The following ISG20L2 variants were observed in gnomAD, a reference collection of about 807,000 sequenced individuals.
ISG20L2 encodes interferon stimulated exonuclease gene 20 like 2.
A neutral mutation model predicts 27.8 loss-of-function variants in ISG20L2; 14 were observed. The observed-to-expected ratio is 0.50, with a 90% CI of 0.33 to 0.79. The LOEUF (loss-of-function observed/expected upper bound fraction) is 0.79, where lower values mean the gene tolerates loss of function less well. ISG20L2 is among the 30% of genes least tolerant of loss of function. The pLI is 0.02. For synonymous variants in ISG20L2, 157 were observed against 165.7 expected (o/e 0.95, Z 0.40); for missense variants, 393 against 435.1 (o/e 0.90, Z 0.86).
chr1:156,727,771 T>G lies in ISG20L2; in HGVS notation c.-117-2A>C. 6.7e-7 allele frequency: 1 copy of G among 1,494,560 alleles called. No individual in the cohort carries two copies. The highest frequency in any genetic ancestry group is 8.8e-7 in the Non-Finnish European group (1 of 1,131,900). The allele number at this position is 1,494,560 out of a possible 1,614,324, so 92.6% of individuals were successfully genotyped here. On this transcript the variant is annotated splice_acceptor_variant, in intron 1 of 3. Coordinates refer to ENST00000368219, the MANE Select transcript of ISG20L2 (RefSeq NM_001370150.2). LOFTEE classifies it low-confidence loss of function (5UTR_SPLICE). ...ACATGTGGAGGTCTGTAGTACACCC[T>G]GGGGAAGAAAGTGATCCTGGTAATT...
At chr1:156,726,061 T>C in intron 2 of ISG20L2, 6 of 985,432 alleles carry the variant, frequency 6.1e-6, no homozygotes, top group Non-Finnish European at 7.2e-6. Flanking sequence ...GTTCATGCCT[T>C]GCGCTCCATG....
chr1:156,728,035 G>A, intron 1 of ISG20L2: 1 of 1,030,302 alleles, frequency 9.7e-7, no homozygotes, highest in Non-Finnish European at 1.2e-6. Context: ...TAAAATGAAG[G>A]GAGTGGAGGG....
intron 3 of ISG20L2, 145 bp from the exon 4 acceptor site, chr1:156,723,607 G>C (rs1648628522): frequency 6.9e-7 from 1 of 1,456,266 alleles, no homozygotes; most frequent in Non-Finnish European, 9.0e-7. Context: ...ATTCTGGTGG[G>C]GTCCTACTCC....
intron 1 of ISG20L2, chr1:156,728,004 T>C (rs1170722083): frequency 9.6e-7 from 1 of 1,046,230 alleles, no homozygotes; most frequent in Non-Finnish European, 1.2e-6. Flanking sequence ...ATTACCGCGC[T>C]CTAGGTTTGA....
rs927277447 is a variant in ISG20L2 at position 156,722,433 on chromosome 1, A to C, written c.*916T>G. The C allele has an allele frequency of 6.6e-6, 1 of 150,586 alleles. No individual in the cohort carries two copies. The highest frequency in any genetic ancestry group is 2.4e-5 in the African/African-American group (1 of 40,836). The allele number at this position is 150,586 out of a possible 1,614,324, so 9.3% of individuals were successfully genotyped here. On this transcript the variant is annotated 3_prime_UTR_variant, in exon 4 of 4. Transcript: ENST00000368219. ...AGGTGCCCGCCACCACGCCTGGCTA[A>C]TTTTTTGTATTTTTAGTAGAGACGG...
In ISG20L2 at chr1:156,722,225, G is replaced by T. The variant is rs1044380783; in HGVS notation, c.*1124C>A. 6.6e-6 allele frequency: 1 copy of T among 152,058 alleles called. No individual in the cohort carries two copies. Among genetic ancestry groups the T allele is most frequent in the Non-Finnish European group, 1.5e-5 (1 of 68,032 alleles). The allele number at this position is 152,058 out of a possible 1,614,324, so 9.4% of individuals were successfully genotyped here. A position where few individuals can be genotyped will look rare whatever the true frequency, so the allele number is the denominator to read the frequency against. On this transcript the variant is annotated 3_prime_UTR_variant, in exon 4 of 4. Coordinates refer to ENST00000368219, the MANE Select transcript of ISG20L2 (RefSeq NM_001370150.2). ...GCTAGATACAGACTCTGAGCCAAAA[G>T]CAGACTCTGTGACATGGAAAGGGAC...
Position 156,722,492 on chromosome 1 carries a change from T to A in ISG20L2, c.*857A>T, listed in dbSNP as rs1291609779. The A allele has an allele frequency of 6.6e-6, 1 of 151,764 alleles. No homozygotes were observed. The highest frequency in any genetic ancestry group is 1.5e-5 in the Non-Finnish European group (1 of 67,932). 9.4% of individuals were successfully genotyped at this position (151,764 alleles called of 1,614,324 possible). A position where few individuals can be genotyped will look rare whatever the true frequency, so the allele number is the denominator to read the frequency against. On this transcript the variant is annotated 3_prime_UTR_variant, in exon 4 of 4. Coordinates refer to ENST00000368219, the MANE Select transcript of ISG20L2 (RefSeq NM_001370150.2). ...CGTGTTAGCCAGGATGGTCTCGATC[T>A]CCTGACCTCGTGATCTGCCCGTCTC...
At position 156,728,580 on chromosome 1, in the gene ISG20L2, G is replaced by A. The variant is rs985260683; in HGVS notation, c.-283C>T. ...CCCAGGTAGTGAGGCCAGTGATTCC[G>A]AGTGTGTGAGGAGCGGCAGTGGCGG... On this transcript the variant is annotated 5_prime_UTR_variant, in exon 1 of 4. Transcript: ENST00000368219. The A allele has an allele frequency of 5.6e-5, 55 of 985,102 alleles. No homozygotes were observed. Among genetic ancestry groups the A allele is most frequent in the Non-Finnish European group, 6.5e-5 (54 of 829,778 alleles). 61.0% of individuals were successfully genotyped at this position (985,102 alleles called of 1,614,324 possible).
chr1:156,724,654 C>T, intron 2 of ISG20L2: 1 of 1,125,782 alleles, frequency 8.9e-7, no homozygotes, highest in Non-Finnish European at 1.1e-6. Context: ...TTTGAGATGT[C>T]CATGTATTTA....
intron 2 of ISG20L2, 200 bp from the exon 3 acceptor site, chr1:156,724,548 A>G: frequency 7.2e-7 from 1 of 1,387,242 alleles, no homozygotes; most frequent in African/African-American, 1.4e-5. Flanking sequence ...TCCATGGTAT[A>G]CCCTGTTTGG....
At chr1:156,726,790 C>T in intron 2 of ISG20L2, 116 bp downstream of exon 2, 1 of 1,491,430 alleles carries the variant, frequency 6.7e-7, no homozygotes, top group Non-Finnish European at 8.9e-7. Flanking sequence ...CTGATAGATT[C>T]TCCTCCCTCC....
intron 3 of ISG20L2, 28 bp downstream of exon 3, chr1:156,724,120 G>T (rs756489489): frequency 1.9e-6 from 3 of 1,582,354 alleles, no homozygotes; most frequent in Non-Finnish European, 2.6e-6. Flanking sequence ...TGTCCAAGAT[G>T]GGGGCGGGGG....
At chr1:156,726,446 A>G (rs1158981268) in intron 2 of ISG20L2, 1 of 978,954 alleles carries the variant, frequency 1.0e-6, no homozygotes, top group Non-Finnish European at 1.2e-6. Context: ...TTTTTGAGAC[A>G]GGATCTCACT....
rs1262628770 is a variant in ISG20L2 at position 156,724,295 on chromosome 1, G to A, written c.801C>T (p.Asp267=). The A allele has an allele frequency of 9.3e-6, 15 of 1,613,944 alleles. No individual in the cohort carries two copies. Among genetic ancestry groups the A allele is most frequent in the Admixed American group, 1.7e-5 (1 of 60,006 alleles). ...KIVVGHAIHN[D]FKALQYFHPK... ...GGTGAAAGTACTGAAGGGCTTTGAA[G>A]TCGTTGTGGATGGCATGCCCCACCA... Residue 267 remains aspartate, a synonymous_variant, in exon 3 of 4, where the codon GAC becomes GAT. Coordinates refer to ENST00000368219, the MANE Select transcript of ISG20L2 (RefSeq NM_001370150.2).
At chr1:156,723,572 G>A in intron 3 of ISG20L2, 110 bp from the exon 4 acceptor site, 1 of 1,513,736 alleles carries the variant, frequency 6.6e-7, no homozygotes, top group Non-Finnish European at 8.8e-7. Flanking sequence ...AGTTTCTTCT[G>A]CAGTCAGCAG....
At position 156,727,444 on chromosome 1, in the gene ISG20L2, G is replaced by A. The variant is rs1374855103; in HGVS notation, c.209C>T (p.Thr70Ile). 1 of 1,613,944 alleles carries A rather than the reference G, an allele frequency of 6.2e-7. No homozygotes were observed. The highest frequency in any genetic ancestry group is 1.3e-5 in the African/African-American group (1 of 74,896). ...KKGETPTVDG[T>I]WKTPSFPKKK... is the part of the protein sequence containing the mutation. ...TTTTGGGAAGGAAGGGGTCTTCCAA[G>A]TGCCATCGACCGTAGGAGTTTCCCC... The change falls in exon 2 of 4, where the codon ACT becomes ATT. Residue 70 changes from threonine (T) to isoleucine (I), a missense_variant. Physicochemically the swap from Thr to Ile is moderately conservative, Grantham distance 89 (BLOSUM62 -1). Coordinates refer to ENST00000368219, the MANE Select transcript of ISG20L2 (RefSeq NM_001370150.2).
chr1:156,725,770 C>T, intron 2 of ISG20L2: 1 of 686,886 alleles, frequency 1.5e-6, no homozygotes, highest in Non-Finnish European at 1.8e-6. Context: ...CATCTTCTGC[C>T]TCTCCTATGC....
rs1213583843 is a variant in ISG20L2 at position 156,725,930 on chromosome 1, T to A, written c.747+976A>T. 4 of 985,264 alleles carry A rather than the reference T, an allele frequency of 4.1e-6. No homozygotes were observed. The African/African-American group carries it at 7.0e-5, about 17-fold the overall frequency. The allele number at this position is 985,264 out of a possible 1,614,324, so 61.0% of individuals were successfully genotyped here. A position where few individuals can be genotyped will look rare whatever the true frequency, so the allele number is the denominator to read the frequency against. On this transcript the variant is annotated intron_variant, in intron 2 of 3. Coordinates refer to ENST00000368219, the MANE Select transcript of ISG20L2 (RefSeq NM_001370150.2). ...AACAGCGTGTCCAGAGAGGGCAGAG[T>A]GTGGACCTGAAACTGCAAAGACGTG... is the stretch of plus-strand genomic sequence containing the variant.
intron 3 of ISG20L2, 70 bp from the exon 4 acceptor site, chr1:156,723,532 G>C (rs564374061): frequency 3.8e-6 from 6 of 1,595,352 alleles, no homozygotes; most frequent in Non-Finnish European, 5.1e-6. Flanking sequence ...TGTACTCTCT[G>C]TACTCCTCTT....
Sources: gnomAD v4.1 joint callset for allele counts on GRCh38, gnomAD v4.1.1 for gene constraint, MANE v1.5 for transcripts, NCBI Gene and HGNC (gene_info 2026-07-23, HGNC 2026-07-21) for gene names.